Variants in SPAST observed in about 807,000 individuals in gnomAD.
The protein encoded by SPAST is spastic paraplegia 4 (autosomal dominant; spastin).
Under a neutral mutation model 76.6 loss-of-function variants are expected in SPAST, and 30 were observed. The ratio of observed to expected loss-of-function variants is 0.39; its 90% CI spans 0.29 to 0.53. The LOEUF is 0.53. SPAST is among the 20% of genes least tolerant of loss of function. The pLI is 0.68. For synonymous variants in SPAST, 305 were observed against 281.0 expected, an observed-to-expected ratio of 1.09 and a Z score of -0.86; for missense variants, 717 against 770.5, an observed-to-expected ratio of 0.93 and a Z score of 0.82.
intron 3 of SPAST, among the ~76,000 whole-genome samples, chr2:32,097,538 G>A (rs1046546993): frequency 6.6e-6 from 1 of 152,024 alleles, no homozygotes. Context: ...TACAGTTACT[G>A]CAGTATGCTT....
At chr2:32,080,283 T>A (rs1677166929) in intron 1 of SPAST, among the ~76,000 whole-genome samples, 2 of 152,234 alleles carry the variant, frequency 1.3e-5, no homozygotes, top group African/African-American at 4.8e-5. Context: ...GTTTTTATGT[T>A]TATCAATTTT....
chr2:32,146,834 A>G (rs769606254), intron 15 of SPAST, among the ~76,000 whole-genome samples: 8 of 143,392 alleles, frequency 5.6e-5, no homozygotes, highest in Non-Finnish European at 9.1e-5. Context: ...CCTGGGCAAC[A>G]GAGCAAGACT....
At chr2:32,068,217 A>T (rs1325269047) in intron 1 of SPAST, among the ~76,000 whole-genome samples, 1 of 151,834 alleles carries the variant, frequency 6.6e-6, no homozygotes, top group East Asian at 1.9e-4. Context: ...TGACCTCGTG[A>T]TCCACCCGCC....
intron 1 of SPAST, among the ~76,000 whole-genome samples, chr2:32,073,087 G>T (rs540605259): frequency 3.3e-5 from 5 of 152,172 alleles, no homozygotes; most frequent in African/African-American, 1.2e-4. Flanking sequence ...CTGGTTTGTT[G>T]TTGTATTTTT....
intron 1 of SPAST, among the ~76,000 whole-genome samples, chr2:32,064,691 A>T (rs1056399593): frequency 1.3e-5 from 2 of 152,234 alleles, no homozygotes; most frequent in African/African-American, 4.8e-5. Context: ...AGTGTCAGAA[A>T]AAAAGAACAA....
Position 32,064,057 on chromosome 2 carries a change from G to T in SPAST, c.226G>T (p.Val76Leu), listed in dbSNP as rs550314787. The change falls in exon 1 of 17, where the codon GTG becomes TTG. Residue 76 changes from valine to leucine, a missense_variant. Val to Leu is a conservative substitution (Grantham distance 32). Around this residue, in one of 3 missense-constraint regions of SPAST, gnomAD observed 543 missense variants for 445.2 expected, o/e 1.22. Coordinates refer to ENST00000315285, the MANE Select transcript of SPAST (RefSeq NM_014946.4). ...LVAFHLGLLFVWLCQRFSRAL... is the reference protein window; with the variant it reads ...LVAFHLGLLFLWLCQRFSRAL... ...CGCCTTCCACCTGGGGCTCCTCTTCGTGTGGCTCTGCCAGCGCTTCTCCCG... is the reference window on the plus strand; with the variant it reads ...CGCCTTCCACCTGGGGCTCCTCTTCTTGTGGCTCTGCCAGCGCTTCTCCCG... 9.3e-6 allele frequency: 15 copies of T among 1,613,130 alleles called. No individual in the cohort carries two copies. In the East Asian group the frequency reaches 2.7e-4, roughly 29 times the overall value.
chr2:32,111,453 A>G (rs6756085), intron 4 of SPAST, among the ~76,000 whole-genome samples: 40,066 of 146,600 alleles, frequency 0.27, 5,799 homozygotes, highest in East Asian at 0.52. Context: ...ACTGTATAGT[A>G]TATAGAGTAT....
At chr2:32,071,030 A>G (rs10084410) in intron 1 of SPAST, among the ~76,000 whole-genome samples, 9,908 of 152,280 alleles carry the variant, frequency 0.065, 467 homozygotes, top group Non-Finnish European at 0.098. Context: ...TAATGCTGGT[A>G]ATGAGCTCCT....
intron 4 of SPAST, among the ~76,000 whole-genome samples, chr2:32,104,478 A>T (rs930454972): frequency 3.9e-5 from 6 of 152,082 alleles, no homozygotes; most frequent in African/African-American, 1.2e-4. Flanking sequence ...TTATGTTTGA[A>T]TTTGATCCTG....
At chr2:32,064,446 G>A (rs755626080) in intron 1 of SPAST, among the ~76,000 whole-genome samples, 200 bp downstream of exon 1, 2 of 152,188 alleles carry the variant, frequency 1.3e-5, no homozygotes, top group Non-Finnish European at 2.9e-5. Flanking sequence ...TCAGGGCACT[G>A]TAGCTGTCGA....
chr2:32,115,693 T>A lies in SPAST; in HGVS notation c.871-9T>A. On this transcript the variant is annotated splice_polypyrimidine_tract_variant and intron_variant, in intron 5 of 16. Coordinates refer to ENST00000315285, the MANE Select transcript of SPAST (RefSeq NM_014946.4). The stretch of plus-strand genomic sequence containing the variant: ...TGTATTTTCATATTAAAATTTTGTA[T>A]CCTTTAAGGGTACTCCGAAAACAAA... The A allele has an allele frequency of 6.3e-7, 1 of 1,591,368 alleles. No homozygotes were observed. Among genetic ancestry groups the A allele is most frequent in the Non-Finnish European group, 8.6e-7 (1 of 1,162,948 alleles).
chr2:32,070,127 G>A lies in SPAST; in HGVS notation c.415+5881G>A, dbSNP rs1396760514. On this transcript the variant is annotated intron_variant, in intron 1 of 16. Coordinates refer to ENST00000315285, the MANE Select transcript of SPAST (RefSeq NM_014946.4). ...GTCACCCACGCTGGAGTGCAGTGGC[G>A]CAATCTCGGTTCACTGTAACCTCCA... Among the ~76,000 whole-genome samples the A allele has an allele frequency of 3.3e-5, 5 of 149,784 alleles. No individual in the cohort carries two copies. In the South Asian group the frequency reaches 6.4e-4, roughly 19 times the overall value.
At chr2:32,087,093 G>A (rs904985456) in intron 1 of SPAST, among the ~76,000 whole-genome samples, 9 of 152,096 alleles carry the variant, frequency 5.9e-5, no homozygotes, top group Admixed American at 5.9e-4. Flanking sequence ...ACCCAGCAAT[G>A]AACACATTAT....
At chr2:32,140,772 A>C (rs552998762) in intron 12 of SPAST, among the ~76,000 whole-genome samples, 5 of 141,334 alleles carry the variant, frequency 3.5e-5, no homozygotes, top group Admixed American at 2.4e-4. Context: ...CTTAAGGATA[A>C]AAAAAATTAA....
At chr2:32,146,710 CA>C (rs576910028) in intron 15 of SPAST, among the ~76,000 whole-genome samples, 2 of 151,546 alleles carry the variant, frequency 1.3e-5, no homozygotes, top group South Asian at 4.2e-4. Flanking sequence ...ACTGAAAATA[CA>C]AAAATTAGCC....
At chr2:32,147,063 G>A in intron 15 of SPAST, 155 bp from the exon 16 acceptor site, 4 of 601,602 alleles carry the variant, frequency 6.6e-6, no homozygotes, top group Non-Finnish European at 9.0e-6. Flanking sequence ...TTTATAAATT[G>A]TATTTGCTCT....
intron 1 of SPAST, among the ~76,000 whole-genome samples, chr2:32,073,587 A>G (rs1676837454): frequency 6.6e-6 from 1 of 152,042 alleles, no homozygotes; most frequent in Admixed American, 6.6e-5. Context: ...ACCTCACCCC[A>G]TAAAGTGCGG....
intron 8 of SPAST, 147 bp from the exon 9 acceptor site, chr2:32,128,261 C>A: frequency 1.6e-6 from 1 of 642,172 alleles, no homozygotes; most frequent in South Asian, 1.7e-5. Context: ...TCCGAAAGTG[C>A]TGGGATTACA....
Position 32,098,877 on chromosome 2 carries a change from G to A in SPAST, c.668G>A (p.Gly223Glu). The A allele has an allele frequency of 6.2e-7, 1 of 1,612,438 alleles. No homozygotes were observed. The highest frequency in any genetic ancestry group is 1.3e-5 in the African/African-American group (1 of 74,982). ...AGTACTAACTTGGCATGCCGCAATG[G>A]ACATCTCCAGTCAGGTGGGTTTAGG... ...NDSTNLACRNGHLQSESGAVP... is the reference protein window; with the variant it reads ...NDSTNLACRNEHLQSESGAVP... The change falls in exon 4 of 17, where the codon GGA (glycine) becomes GAA (glutamate). Residue 223 changes from glycine to glutamate, a missense_variant. Gly to Glu is a moderately conservative substitution (Grantham distance 98). This residue lies in a region of SPAST where 543 missense variants were observed against 445.2 expected (regional missense o/e 1.22). Transcript: ENST00000315285.
Sources: allele counts gnomAD v4.1 joint callset (sites outside exome capture counted in the v4.1 genomes callset), GRCh38; gene constraint gnomAD v4.1.1; regional missense constraint gnomAD v4.1.1; transcripts MANE v1.5; gene names NCBI Gene and HGNC (gene_info 2026-07-23, HGNC 2026-07-21).